The following RAB3C variants were observed in gnomAD, a reference collection of about 807,000 sequenced individuals.
The protein encoded by RAB3C is RAB3C, member RAS oncogene family.
Under a neutral mutation model 26.4 loss-of-function variants are expected in RAB3C, and 17 were observed. That is an observed-to-expected ratio of 0.64 (90% CI 0.44 to 0.97). The LOEUF is 0.97. RAB3C is among the 50% of genes least tolerant of loss of function. The pLI, the probability that RAB3C is intolerant of heterozygous loss-of-function variation, is 0.00. For synonymous variants in RAB3C, 91 were observed against 95.9 expected (o/e 0.95, Z 0.30); for missense variants, 242 against 281.9 (o/e 0.86, Z 1.01).
intron 3 of RAB3C, among the ~76,000 whole-genome samples, chr5:58,808,144 G>A (rs1380881056): frequency 6.7e-6 from 1 of 148,756 alleles, no homozygotes; most frequent in African/African-American, 2.5e-5. Flanking sequence ...AGAATGTCGT[G>A]AACCTGGGAG....
chr5:58,767,948 G>C (rs895559407), intron 3 of RAB3C, among the ~76,000 whole-genome samples: 14 of 152,316 alleles, frequency 9.2e-5, no homozygotes, highest in East Asian at 3.9e-4. Flanking sequence ...AAGTGGTCAT[G>C]ATGGCCTCTC....
At chr5:58,803,047 C>T (rs1168642297) in intron 3 of RAB3C, among the ~76,000 whole-genome samples, 1 of 152,210 alleles carries the variant, frequency 6.6e-6, no homozygotes. Flanking sequence ...ATCTATTCTG[C>T]TCTCATTCCA....
intron 1 of RAB3C, among the ~76,000 whole-genome samples, chr5:58,604,593 C>T (rs987853767): frequency 1.1e-4 from 17 of 152,110 alleles, no homozygotes; most frequent in East Asian, 1.9e-4. Context: ...AGGGGAAAGC[C>T]GGTAGTCACA....
chr5:58,826,191 G>A (rs111624899), intron 4 of RAB3C, among the ~76,000 whole-genome samples: 4 of 152,056 alleles, frequency 2.6e-5, no homozygotes, highest in African/African-American at 9.7e-5. Flanking sequence ...GATCAGGTGT[G>A]GAAATGAATA....
intron 4 of RAB3C, among the ~76,000 whole-genome samples, chr5:58,844,890 A>G (rs1743955311): frequency 2.0e-5 from 3 of 152,214 alleles, no homozygotes. Context: ...CTGGGGTTAA[A>G]AAAGGAGCAA....
chr5:58,645,707 G>A (rs1338629714), intron 2 of RAB3C, among the ~76,000 whole-genome samples: 2 of 152,190 alleles, frequency 1.3e-5, no homozygotes, highest in Non-Finnish European at 2.9e-5. Context: ...GAAGAGTGCA[G>A]GAATGCTTTC....
chr5:58,603,475 A>C (rs893885120), intron 1 of RAB3C, among the ~76,000 whole-genome samples: 3 of 152,128 alleles, frequency 2.0e-5, no homozygotes, highest in Non-Finnish European at 4.4e-5. Flanking sequence ...ATTTAACATA[A>C]TCCCAGACCC....
At chr5:58,711,121 C>G (rs1749050987) in intron 2 of RAB3C, among the ~76,000 whole-genome samples, 1 of 152,190 alleles carries the variant, frequency 6.6e-6, no homozygotes, top group African/African-American at 2.4e-5. Context: ...GCATTCTGTT[C>G]TCCTTTTATG....
At chr5:58,756,589 C>T (rs955032345) in intron 3 of RAB3C, among the ~76,000 whole-genome samples, 49 of 145,742 alleles carry the variant, frequency 3.4e-4, no homozygotes, top group Non-Finnish European at 6.0e-4. Context: ...CATGTGTTCT[C>T]ATTGTTCAAC....
At chr5:58,728,560 G>T (rs755644792) in intron 3 of RAB3C, among the ~76,000 whole-genome samples, 1 of 151,750 alleles carries the variant, frequency 6.6e-6, no homozygotes, top group Non-Finnish European at 1.5e-5. Flanking sequence ...AGTACATCTC[G>T]GGCCTTAAAA....
intron 3 of RAB3C, among the ~76,000 whole-genome samples, chr5:58,737,405 AT>A (rs1288720989): frequency 4.9e-4 from 10 of 20,440 alleles, no homozygotes; most frequent in Non-Finnish European, 7.4e-4. Context: ...ATATATATAT[AT>A]ATATATATAT....
chr5:58,628,541 G>T (rs1747115833), intron 2 of RAB3C, among the ~76,000 whole-genome samples: 1 of 152,124 alleles, frequency 6.6e-6, no homozygotes, highest in Non-Finnish European at 1.5e-5. Context: ...ATCATGGAAG[G>T]GGCCACAGAT....
chr5:58,698,009 A>C (rs1455260884), intron 2 of RAB3C, among the ~76,000 whole-genome samples: 1 of 152,194 alleles, frequency 6.6e-6, no homozygotes, highest in Non-Finnish European at 1.5e-5. Flanking sequence ...CAGTTTCTTC[A>C]TAGCATCGAT....
At chr5:58,676,486 G>C (rs1214478921) in intron 2 of RAB3C, among the ~76,000 whole-genome samples, 1 of 152,020 alleles carries the variant, frequency 6.6e-6, no homozygotes, top group Non-Finnish European at 1.5e-5. Context: ...GTGGGCAACA[G>C]AGCAAGACTC....
At chr5:58,596,118 C>T (rs1454604932) in intron 1 of RAB3C, among the ~76,000 whole-genome samples, 1 of 152,042 alleles carries the variant, frequency 6.6e-6, no homozygotes, top group African/African-American at 2.4e-5. Flanking sequence ...ACCTAGCTGG[C>T]TGGTTTTAGC....
chr5:58,707,589 G>A (rs1303571018), intron 2 of RAB3C, among the ~76,000 whole-genome samples: 1 of 152,148 alleles, frequency 6.6e-6, no homozygotes, highest in Admixed American at 6.5e-5. Flanking sequence ...GCCAGAATGT[G>A]AACACAGGTC....
intron 2 of RAB3C, among the ~76,000 whole-genome samples, chr5:58,666,743 C>T (rs1348078306): frequency 3.3e-5 from 5 of 152,066 alleles, no homozygotes; most frequent in African/African-American, 1.2e-4. Context: ...GCATCTTCCC[C>T]AGGAAGAAAC....
At chr5:58,848,726 T>C (rs1258266668) in intron 4 of RAB3C, among the ~76,000 whole-genome samples, 1 of 152,250 alleles carries the variant, frequency 6.6e-6, no homozygotes, top group Non-Finnish European at 1.5e-5. Context: ...TTTCTCATTT[T>C]AGCCTCATGA....
In RAB3C at chr5:58,617,690, T is replaced by C. The variant is rs1746853310; in HGVS notation, c.72T>C (p.Asp24=). 2 of 1,613,908 alleles carry C rather than the reference T, an allele frequency of 1.2e-6. No individual in the cohort carries two copies. The highest frequency in any genetic ancestry group is 2.7e-5 in the African/African-American group (2 of 74,920). The change falls in exon 2 of 5, where the codon GAT becomes GAC. Residue 24 remains aspartate, a synonymous_variant. Coordinates refer to ENST00000282878, the MANE Select transcript of RAB3C (RefSeq NM_138453.4). Reference sequence around the variant, plus strand: ...GGTACGGCCAGAAAGACTCCTCTGATCAGAACTTTGACTACATGTTCAAAT... The same window carrying C: ...GGTACGGCCAGAAAGACTCCTCTGACCAGAACTTTGACTACATGTTCAAAT... ...DARYGQKDSS[D]QNFDYMFKLL... is the part of the protein sequence containing the mutation.
Sources: gnomAD v4.1 joint callset for allele counts (sites outside exome capture counted in the v4.1 genomes callset) on GRCh38, gnomAD v4.1.1 for gene constraint, MANE v1.5 for transcripts, NCBI Gene and HGNC (gene_info 2026-07-23, HGNC 2026-07-21) for gene names.